Variants in IL15RA observed in about 807,000 individuals in gnomAD.
The protein encoded by IL15RA is interleukin-15 receptor subunit alpha.
Under a neutral mutation model 24.2 loss-of-function variants are expected in IL15RA, and 26 were observed. The observed-to-expected ratio is 1.07, with a 90% CI of 0.79 to 1.49. The LOEUF (loss-of-function observed/expected upper bound fraction) is 1.49. IL15RA is among the 40% of genes most tolerant of loss of function. The probability of loss-of-function intolerance (pLI) is 0.00; values close to 1 mark genes in which losing one functional copy is unlikely to be tolerated. For synonymous variants in IL15RA, 166 were observed against 157.6 expected, an observed-to-expected ratio of 1.05 and a Z score of -0.40; for missense variants, 354 against 356.4, an observed-to-expected ratio of 0.99 and a Z score of 0.05.
At chr10:5,951,772 C>T (rs934495650), downstream of IL15RA, among the ~76,000 whole-genome samples, 1 of 152,160 alleles carries the variant, frequency 6.6e-6, no homozygotes, top group Non-Finnish European at 1.5e-5. Flanking sequence ...CTGCAGTGAG[C>T]TGAGATCTCG....
Position 5,968,785 on chromosome 10 carries a change from G to T in IL15RA, c.89-2446C>A, listed in dbSNP as rs777584905. 3 of 707,202 alleles carry T rather than the reference G, an allele frequency of 4.2e-6. No individual in the cohort carries two copies. In the East Asian group the frequency reaches 8.0e-5, roughly 19 times the overall value. 43.8% of individuals were successfully genotyped at this position (707,202 alleles called of 1,614,324 possible). A position where few individuals can be genotyped will look rare whatever the true frequency, so the allele number is the denominator to read the frequency against. On this transcript the variant is annotated intron_variant, in intron 1 of 6. Transcript: ENST00000379977. The surrounding 1 kb of genome is among the most constrained non-coding windows in gnomAD (Gnocchi z 5.4). ...TAGATGGCTGTGCTACCTGCTTGCT[G>T]CCTGCTTGTCCGATGGTGGTGGCAC...
At position 5,968,530 on chromosome 10, in the gene IL15RA, G is replaced by C. The variant is rs1460166551; in HGVS notation, c.89-2191C>G. 2 of 523,390 alleles carry C rather than the reference G, an allele frequency of 3.8e-6. No homozygotes were observed. The highest frequency in any genetic ancestry group is 6.9e-6 in the Non-Finnish European group (2 of 290,030). The allele number at this position is 523,390 out of a possible 1,614,324, so 32.4% of individuals were successfully genotyped here. On this transcript the variant is annotated intron_variant, in intron 1 of 6. Transcript: ENST00000379977. The surrounding 1 kb of genome is among the most constrained non-coding windows in gnomAD (Gnocchi z 5.4). ...ACATCTTCTGCTAAGCTGATGGCGTGAGAGATGGAGTCGATCTCACAAGTT... is the reference window on the plus strand; with the variant it reads ...ACATCTTCTGCTAAGCTGATGGCGTCAGAGATGGAGTCGATCTCACAAGTT...
chr10:5,977,661 G>T, upstream of IL15RA: 1 of 1,246,506 alleles, frequency 8.0e-7, no homozygotes, highest in South Asian at 3.5e-5. Flanking sequence ...ACAGATCCGT[G>T]ACTCAGCGTC....
In IL15RA at chr10:5,967,280, C is replaced by G. The variant is rs1279047855; in HGVS notation, c.89-941G>C. Among the ~76,000 whole-genome samples the G allele has an allele frequency of 6.6e-6, 1 of 152,200 alleles. No homozygotes were observed. The highest frequency in any genetic ancestry group is 1.5e-5 in the Non-Finnish European group (1 of 68,036). ...AGTGCAGTGGCACGATCTTGGCTCACTGCAACCTCCACCTCCTGGGTTCAA... is the reference window on the plus strand; with the variant it reads ...AGTGCAGTGGCACGATCTTGGCTCAGTGCAACCTCCACCTCCTGGGTTCAA... On this transcript the variant is annotated intron_variant, in intron 1 of 6. Coordinates refer to ENST00000379977, the MANE Select transcript of IL15RA (RefSeq NM_002189.4). The surrounding 1 kb of genome is among the most constrained non-coding windows in gnomAD (Gnocchi z 4.4).
rs1435820294 is a variant in IL15RA, at chr10:5,958,140, A to T, written c.616+1614T>A. The T allele has an allele frequency of 1.4e-5, 4 of 284,886 alleles. No individual in the cohort carries two copies. The Admixed American group carries it at 1.8e-4, about 13-fold the overall frequency. The allele number at this position is 284,886 out of a possible 1,614,324, so 17.6% of individuals were successfully genotyped here. A position where few individuals can be genotyped will look rare whatever the true frequency, so the allele number is the denominator to read the frequency against. ...TAAATTAATGGTAGGAATTCCATAC[A>T]GTGGAATATTCTGTAGCTGTTAAAA... On this transcript the variant is annotated intron_variant, in intron 5 of 6. Coordinates refer to ENST00000379977, the MANE Select transcript of IL15RA (RefSeq NM_002189.4). The surrounding 1 kb of genome is among the most constrained non-coding windows in gnomAD (Gnocchi z 4.3).
Position 5,964,927 on chromosome 10 carries a change from C to T in IL15RA, c.284-1086G>A, listed in dbSNP as rs759811506. 2.0e-5 allele frequency among the ~76,000 whole-genome samples: 3 copies of T among 152,216 alleles called. No individual in the cohort carries two copies. Among genetic ancestry groups the T allele is most frequent in the Admixed American group, 6.5e-5 (1 of 15,286 alleles). ...TCTTGGAACAAGTCGGAGGCTTCCT[C>T]CCTGCCTTCCCTCTGCTGCCTGTGT... On this transcript the variant is annotated intron_variant, in intron 2 of 6. Coordinates refer to ENST00000379977, the MANE Select transcript of IL15RA (RefSeq NM_002189.4). The surrounding 1 kb of genome is among the most constrained non-coding windows in gnomAD (Gnocchi z 5.6).
In IL15RA at chr10:5,966,389, G is replaced by A. The variant is rs778965787; in HGVS notation, c.89-50C>T. 1 of 1,505,498 alleles carries A rather than the reference G, an allele frequency of 6.6e-7. No homozygotes were observed. The highest frequency in any genetic ancestry group is 1.4e-5 in the African/African-American group (1 of 73,116). 93.3% of individuals were successfully genotyped at this position (1,505,498 alleles called of 1,614,324 possible). On this transcript the variant is annotated intron_variant, in intron 1 of 6. Coordinates refer to ENST00000379977, the MANE Select transcript of IL15RA (RefSeq NM_002189.4). The surrounding 1 kb of genome is among the most constrained non-coding windows in gnomAD (Gnocchi z 6.4). ...ACGGTGAAGAGGTTTCCACTTGTAA[G>A]AGGCGTTCTCCAGGCACACGCAGCG...
chr10:5,977,749 C>T, upstream of IL15RA: 2 of 881,392 alleles, frequency 2.3e-6, no homozygotes, highest in Non-Finnish European at 3.0e-6. Flanking sequence ...ACGCATGGGC[C>T]GTGCCCGGTG....
In IL15RA at chr10:5,959,405, A is replaced by T. The variant is rs1835118235; in HGVS notation, c.616+349T>A. 2.0e-5 allele frequency among the ~76,000 whole-genome samples: 3 copies of T among 152,170 alleles called. No homozygotes were observed. Among genetic ancestry groups the T allele is most frequent in the Admixed American group, 2.0e-4 (3 of 15,278 alleles). On this transcript the variant is annotated intron_variant, in intron 5 of 6. Coordinates refer to ENST00000379977, the MANE Select transcript of IL15RA (RefSeq NM_002189.4). This position sits in a 1 kb window ranked among gnomAD's most constrained non-coding sequence, Gnocchi z 4.1. ...GGCAGCTTCTGGCAGAGATGCTGTA[A>T]CGTCAGTGCTGGCATCAGCACCTGT...
chr10:5,976,285 A>AGGGGGGG (rs1564525046), intron 1 of IL15RA, among the ~76,000 whole-genome samples: 5 of 144,142 alleles, frequency 3.5e-5, no homozygotes, highest in Admixed American at 7.1e-5. Context: ...TGGGGGTGGC[A>AGGGGGGG]GAGGGTGGGG....
rs1246644809 is a variant in IL15RA at position 5,971,258 on chromosome 10, A to C, written c.89-4919T>G. 6.6e-6 allele frequency among the ~76,000 whole-genome samples: 1 copy of C among 152,238 alleles called. No homozygotes were observed. The highest frequency in any genetic ancestry group is 1.5e-5 in the Non-Finnish European group (1 of 68,044). ...TTTTCTGAATACATATAATGGAATT[A>C]TGAAGTAATGGAAATTGGAGTAAAC... On this transcript the variant is annotated intron_variant, in intron 1 of 6. Transcript: ENST00000379977. The surrounding 1 kb of genome is among the most constrained non-coding windows in gnomAD (Gnocchi z 5.5).
intron 1 of IL15RA, among the ~76,000 whole-genome samples, chr10:5,972,273 A>T (rs144482581): frequency 6.6e-6 from 1 of 152,310 alleles, no homozygotes; most frequent in Non-Finnish European, 1.5e-5. Context: ...AAATCACATC[A>T]ACTATGTCCA....
chr10:5,961,331 G>A lies in IL15RA; in HGVS notation c.383-764C>T, dbSNP rs1835475145. On this transcript the variant is annotated intron_variant, in intron 3 of 6. Coordinates refer to ENST00000379977, the MANE Select transcript of IL15RA (RefSeq NM_002189.4). The surrounding 1 kb of genome is among the most constrained non-coding windows in gnomAD (Gnocchi z 5.2). ...AGGCAAGAGAATCACCTTAGCCTAG[G>A]AGTTTGAGGCTGCAGTGACCTATAA... 1.3e-5 allele frequency among the ~76,000 whole-genome samples: 2 copies of A among 152,180 alleles called. No individual in the cohort carries two copies. Among genetic ancestry groups the A allele is most frequent in the Non-Finnish European group, 2.9e-5 (2 of 68,038 alleles).
At position 5,968,710 on chromosome 10, in the gene IL15RA, C is replaced by A; in HGVS notation, c.89-2371G>T. 1.4e-6 allele frequency: 1 copy of A among 699,118 alleles called. No individual in the cohort carries two copies. The allele number at this position is 699,118 out of a possible 1,614,324, so 43.3% of individuals were successfully genotyped here. A position where few individuals can be genotyped will look rare whatever the true frequency, so the allele number is the denominator to read the frequency against. ...TCTGTCCTTCTCTACCTGCCTAAAC[C>A]ACAGAGTGTTATTTCTCCACACTTG... On this transcript the variant is annotated intron_variant, in intron 1 of 6. Transcript: ENST00000379977. The surrounding 1 kb of genome is among the most constrained non-coding windows in gnomAD (Gnocchi z 5.4).
At position 5,964,861 on chromosome 10, in the gene IL15RA, C is replaced by G. The variant is rs1479400015; in HGVS notation, c.284-1020G>C. ...CCGCCACGCTCAGCTTTCCCATTCA[C>G]TCACTGATGCCACGGGGTGCTGTGT... is the stretch of plus-strand genomic sequence containing the variant. On this transcript the variant is annotated intron_variant, in intron 2 of 6. Transcript: ENST00000379977. The surrounding 1 kb of genome is among the most constrained non-coding windows in gnomAD (Gnocchi z 5.6). Among the ~76,000 whole-genome samples, 2 of 152,244 alleles carry G rather than the reference C, an allele frequency of 1.3e-5. No individual in the cohort carries two copies. Among genetic ancestry groups the G allele is most frequent in the African/African-American group, 4.8e-5 (2 of 41,472 alleles).
At chr10:5,977,362 C>G (rs1838625225) in intron 1 of IL15RA, 43 bp downstream of exon 1, 2 of 994,972 alleles carry the variant, frequency 2.0e-6, no homozygotes, top group Non-Finnish European at 1.3e-6. Context: ...GTCCCGGCCC[C>G]CTTCCAAGTC....
chr10:5,978,097 G>T (rs1429853824), upstream of IL15RA: 1 of 152,264 alleles, frequency 6.6e-6, no homozygotes, highest in African/African-American at 2.4e-5. The surrounding 1 kb of genome is among the most constrained non-coding windows in gnomAD (Gnocchi z 5.2). Flanking sequence ...GGCCCGGGCG[G>T]AGCGCAGCCC....
At chr10:5,974,229 G>A (rs998425966) in intron 1 of IL15RA, among the ~76,000 whole-genome samples, 9 of 152,072 alleles carry the variant, frequency 5.9e-5, no homozygotes, top group African/African-American at 2.2e-4. Flanking sequence ...CGAACTCCTG[G>A]CCTCAAGTGA....
rs1188418760 is a variant in IL15RA, at chr10:5,973,353, A to G, written c.88+4052T>C. Among the ~76,000 whole-genome samples the G allele has an allele frequency of 3.3e-5, 5 of 152,246 alleles. No individual in the cohort carries two copies. The highest frequency in any genetic ancestry group is 7.2e-5 in the African/African-American group (3 of 41,458). On this transcript the variant is annotated intron_variant, in intron 1 of 6. Coordinates refer to ENST00000379977, the MANE Select transcript of IL15RA (RefSeq NM_002189.4). This position sits in a 1 kb window ranked among gnomAD's most constrained non-coding sequence, Gnocchi z 4.5. ...TTTCCATATATGAAAGATGTCTTTC[A>G]CATCTTTTGTTAGATTTATCCGTAA...
Sources: allele counts gnomAD v4.1 joint callset (sites outside exome capture counted in the v4.1 genomes callset), GRCh38; gene constraint gnomAD v4.1.1; non-coding constraint Gnocchi (gnomAD v3.1); transcripts MANE v1.5; gene names NCBI Gene and HGNC (gene_info 2026-07-23, HGNC 2026-07-21).